The following TANGO2 variants were observed in gnomAD, a reference collection of about 807,000 sequenced individuals.
TANGO2 encodes the protein transport and golgi organization 2 homolog, also known as transport and Golgi organization protein 2 homolog.
TANGO2 carries 26 observed loss-of-function variants against 39.1 expected under a neutral mutation model. That is an observed-to-expected ratio of 0.67 (90% confidence interval 0.49 to 0.92). The LOEUF is 0.92. Ranked by LOEUF, TANGO2 falls within the 40% of genes least tolerant of loss-of-function variation. The probability of loss-of-function intolerance (pLI) is 0.00; values close to 1 mark genes in which losing one functional copy is unlikely to be tolerated. For synonymous variants in TANGO2, 131 were observed against 144.5 expected (o/e 0.91, Z 0.67); for missense variants, 326 against 360.1 (o/e 0.91, Z 0.77).
At chr22:20,034,240 A>G (rs558097081) in intron 1 of TANGO2, among the ~76,000 whole-genome samples, 8 of 152,296 alleles carry the variant, frequency 5.3e-5, no homozygotes, top group African/African-American at 1.9e-4. Context: ...CTGCTTTGTA[A>G]ACCCAGTTTG....
At chr22:20,048,470 A>G (rs1052020458) in intron 3 of TANGO2, 1 of 152,036 alleles carries the variant, frequency 6.6e-6, no homozygotes, top group Non-Finnish European at 1.5e-5. Context: ...AGTTTTATTT[A>G]TTTATTTATT....
Position 20,067,084 on chromosome 22 carries a change from T to C in TANGO2, c.*2422T>C, listed in dbSNP as rs1319002635. 1 of 152,134 alleles carries C rather than the reference T, an allele frequency of 6.6e-6. No individual in the cohort carries two copies. Among genetic ancestry groups the C allele is most frequent in the African/African-American group, 2.4e-5 (1 of 41,420 alleles). 9.4% of individuals were successfully genotyped at this position (152,134 alleles called of 1,614,324 possible). On this transcript the variant is annotated 3_prime_UTR_variant, in exon 9 of 9. Transcript: ENST00000327374. ...CCAAGGTAGAATGAGGTCGTTAGTG[T>C]GGGCCCTAATCCAATATGACGGCTA...
chr22:20,063,522 G>A (rs1035621629), intron 8 of TANGO2, 80 bp downstream of exon 8: 9 of 1,268,626 alleles, frequency 7.1e-6, no homozygotes, highest in Admixed American at 6.4e-5. Context: ...GAAGCCAAGT[G>A]CCCATAGCCA....
At chr22:20,048,818 T>C (rs1273244919) in intron 3 of TANGO2, among the ~76,000 whole-genome samples, 1 of 152,122 alleles carries the variant, frequency 6.6e-6, no homozygotes, top group African/African-American at 2.4e-5. Flanking sequence ...AGCTAATTTT[T>C]GTATTTTTAG....
chr22:20,037,069 G>A, intron 2 of TANGO2: 1 of 1,534,590 alleles, frequency 6.5e-7, no homozygotes, highest in South Asian at 1.3e-5. Context: ...AAGACGTGAA[G>A]ACTCAGCCAC....
chr22:20,064,921 A>G lies in TANGO2; in HGVS notation c.*259A>G. 1 of 462,442 alleles carries G rather than the reference A, an allele frequency of 2.2e-6. No individual in the cohort carries two copies. The allele number at this position is 462,442 out of a possible 1,614,324, so 28.6% of individuals were successfully genotyped here. A position where few individuals can be genotyped will look rare whatever the true frequency, so the allele number is the denominator to read the frequency against. The stretch of plus-strand genomic sequence containing the variant: ...CGAGGTATACCATGAACATGTGGAT[A>G]CACCTGAGCCCACTCTTGCACATGT... On this transcript the variant is annotated 3_prime_UTR_variant, in exon 9 of 9. Coordinates refer to ENST00000327374, the MANE Select transcript of TANGO2 (RefSeq NM_152906.7).
At chr22:20,020,479 G>A (rs1029861608), upstream of TANGO2, among the ~76,000 whole-genome samples, 1 of 151,898 alleles carries the variant, frequency 6.6e-6, no homozygotes, top group Non-Finnish European at 1.5e-5. Context: ...GCTGGGGCCT[G>A]GACCTGGATG....
intron 6 of TANGO2, chr22:20,056,930 C>G: frequency 2.2e-6 from 1 of 456,452 alleles, no homozygotes; most frequent in East Asian, 6.9e-5. Flanking sequence ...CAGGGTGTTC[C>G]GGCGCCTGGG....
At chr22:20,040,796 A>G (rs2043758898) in intron 2 of TANGO2, among the ~76,000 whole-genome samples, 1 of 152,216 alleles carries the variant, frequency 6.6e-6, no homozygotes, top group South Asian at 2.1e-4. Flanking sequence ...CAGAAGGGAC[A>G]TGGAGACTTG....
Position 20,055,980 on chromosome 22 carries a change from C to A in TANGO2, c.418C>A (p.Arg140=). The change falls in exon 6 of 9, where the codon CGA becomes AGA. Residue 140 remains arginine (R), a synonymous_variant. Coordinates refer to ENST00000327374, the MANE Select transcript of TANGO2 (RefSeq NM_152906.7). ...AGACGTCATTTGCTACTATGGGAAC[C>A]GAGGGGAGCCTGATCCTATCGTTTT... is the stretch of plus-strand genomic sequence containing the variant. The part of the protein sequence containing the change: ...KGDVICYYGN[R]GEPDPIVLTP... 6.2e-7 allele frequency: 1 copy of A among 1,614,146 alleles called. No individual in the cohort carries two copies.
At chr22:20,064,399 C>T in intron 8 of TANGO2, 143 bp from the exon 9 acceptor site, 1 of 990,632 alleles carries the variant, frequency 1.0e-6, no homozygotes, top group East Asian at 2.5e-5. Flanking sequence ...AAGACTGAGG[C>T]TGCTGCTCTC....
intron 1 of TANGO2, among the ~76,000 whole-genome samples, chr22:20,034,273 T>A (rs1344798473): frequency 6.6e-6 from 1 of 152,238 alleles, no homozygotes; most frequent in Non-Finnish European, 1.5e-5. Context: ...TCCTTTGCCC[T>A]GCAGATGTTT....
At chr22:20,017,699 A>G (rs1331393246), upstream of TANGO2, among the ~76,000 whole-genome samples, 1 of 152,186 alleles carries the variant, frequency 6.6e-6, no homozygotes, top group African/African-American at 2.4e-5. Context: ...ACGGTGCTTC[A>G]CTGCCTGTTG....
chr22:20,044,710 A>G (rs1191560793), intron 3 of TANGO2, among the ~76,000 whole-genome samples: 1 of 152,160 alleles, frequency 6.6e-6, no homozygotes, highest in Non-Finnish European at 1.5e-5. Flanking sequence ...CTGCTGGTAT[A>G]GGAGGATGCA....
chr22:20,031,101 G>A lies in TANGO2; in HGVS notation c.-39-5659G>A, dbSNP rs183498412. Among the ~76,000 whole-genome samples, 41 of 152,256 alleles carry A rather than the reference G, an allele frequency of 2.7e-4. No individual in the cohort carries two copies. In the Middle Eastern group the frequency reaches 0.01, roughly 38 times the overall value. ...TAGTCCCAGCTATTTGAGAGGCTGA[G>A]GCAGGAGAATCGCTTGAACCAGGGA... On this transcript the variant is annotated intron_variant, in intron 1 of 8. Transcript: ENST00000327374.
Position 20,036,762 on chromosome 22 carries a change from C to G in TANGO2, c.-37C>G, listed in dbSNP as rs1344479154. ...TCAGTGTTTTCCTTTTCCCGCAGAC[C>G]TCGCGACCTGTGTCAGCAGAGCCGC... On this transcript the variant is annotated splice_region_variant and 5_prime_UTR_variant, in exon 2 of 9. Transcript: ENST00000327374. The G allele has an allele frequency of 1.2e-6, 2 of 1,613,898 alleles. No homozygotes were observed. Among genetic ancestry groups the G allele is most frequent in the Non-Finnish European group, 1.7e-6 (2 of 1,179,856 alleles).
chr22:20,039,258 A>G (rs551029762), intron 2 of TANGO2, among the ~76,000 whole-genome samples: 1 of 151,670 alleles, frequency 6.6e-6, no homozygotes, highest in Non-Finnish European at 1.5e-5. Context: ...TGGTAATTTG[A>G]TACCCATCAC....
At chr22:20,043,494 C>A (rs374169174) in intron 3 of TANGO2, 51 bp downstream of exon 3, 94 of 1,350,420 alleles carry the variant, frequency 7.0e-5, no homozygotes, top group Non-Finnish European at 9.0e-5. Context: ...GCTTCCCTAG[C>A]CCCTGCGTGG....
chr22:20,036,870 T>G lies in TANGO2; in HGVS notation c.56+16T>G. On this transcript the variant is annotated intron_variant, in intron 2 of 8. Transcript: ENST00000327374. ...ACGCGTACAGGTAACCCCCTCGCTC[T>G]GCATCTGCTGCGCCCTGCAGGGTCC... The G allele has an allele frequency of 1.2e-6, 2 of 1,614,252 alleles. No homozygotes were observed. Among genetic ancestry groups the G allele is most frequent in the Non-Finnish European group, 8.5e-7 (1 of 1,180,042 alleles).
Sources: gnomAD v4.1 joint callset for allele counts (sites outside exome capture counted in the v4.1 genomes callset) on GRCh38, gnomAD v4.1.1 for gene constraint, MANE v1.5 for transcripts, NCBI Gene and HGNC (gene_info 2026-07-23, HGNC 2026-07-21) for gene names.